Variants in GABRB1 observed in about 807,000 individuals in gnomAD.
GABRB1 encodes gamma-aminobutyric acid type A receptor subunit beta1.
GABRB1 carries 17 observed loss-of-function variants against 51.6 expected under a neutral mutation model. That is an observed-to-expected ratio of 0.33 (90% CI 0.23 to 0.49). The LOEUF (loss-of-function observed/expected upper bound fraction) is 0.49, where lower values mean the gene tolerates loss of function less well. Ranked by LOEUF, GABRB1 falls within the 20% of genes least tolerant of loss-of-function variation. GABRB1 has a pLI of 0.99. For missense variants in GABRB1, 410 were observed against 600.6 expected (o/e 0.68, Z 3.32); for synonymous variants, 247 against 218.9 (o/e 1.13, Z -1.14).
At chr4:47,019,621 C>CTCTCTCTCTCTCTCTT (rs1724852948) in intron 1 of GABRB1, among the ~76,000 whole-genome samples, 1 of 61,986 alleles carries the variant, frequency 1.6e-5, no homozygotes, top group Non-Finnish European at 3.1e-5. Context: ...TTCTTTCTTT[C>CTCTCTCTCTCTCTCTT]TCTCTCTTTC....
chr4:47,292,703 A>C (rs895852165), intron 4 of GABRB1, among the ~76,000 whole-genome samples: 1 of 152,186 alleles, frequency 6.6e-6, no homozygotes, highest in East Asian at 1.9e-4. Flanking sequence ...TTATTGACTG[A>C]TGGCACTGGA....
At chr4:47,261,430 C>T (rs921844999) in intron 4 of GABRB1, among the ~76,000 whole-genome samples, 1 of 152,122 alleles carries the variant, frequency 6.6e-6, no homozygotes, top group Non-Finnish European at 1.5e-5. Flanking sequence ...CATGAGTGAA[C>T]TCCCATTCAC....
At chr4:47,407,625 C>T (rs11734371) in intron 8 of GABRB1, among the ~76,000 whole-genome samples, 18,082 of 152,192 alleles carry the variant, frequency 0.12, 1,404 homozygotes, top group Non-Finnish European at 0.17. Flanking sequence ...GTATCTACCA[C>T]AAATTGTTTT....
At chr4:47,126,786 G>T (rs981888362) in intron 3 of GABRB1, among the ~76,000 whole-genome samples, 1 of 151,974 alleles carries the variant, frequency 6.6e-6, no homozygotes, top group Non-Finnish European at 1.5e-5. Context: ...TCTTCACAAG[G>T]TTGAACTAAT....
chr4:47,296,281 G>A (rs754170164), intron 4 of GABRB1, among the ~76,000 whole-genome samples: 2 of 152,098 alleles, frequency 1.3e-5, no homozygotes, highest in Non-Finnish European at 2.9e-5. Flanking sequence ...ATGTAAATGA[G>A]CTAAATGCTC....
At chr4:47,229,436 T>TTCTGTAATTA (rs1721061696) in intron 4 of GABRB1, among the ~76,000 whole-genome samples, 1 of 152,156 alleles carries the variant, frequency 6.6e-6, no homozygotes, top group Non-Finnish European at 1.5e-5. Context: ...TGTAGGATAA[T>TTCTGTAATTA]TCTGTAATTA....
At chr4:47,341,033 G>T (rs1725872681) in intron 5 of GABRB1, among the ~76,000 whole-genome samples, 1 of 152,162 alleles carries the variant, frequency 6.6e-6, no homozygotes, top group African/African-American at 2.4e-5. Context: ...AAACCATGTA[G>T]TCAGTAAATA....
chr4:47,292,485 C>T lies in GABRB1; in HGVS notation c.462-27642C>T, dbSNP rs1179117185. On this transcript the variant is annotated intron_variant, in intron 4 of 8. Transcript: ENST00000295454. Reference sequence around the variant, plus strand: ...TGTTACTTAATATCTTTAGGCAAGCCCCTTGAGGGCTCTAATAAATGGAAA... The same window carrying T: ...TGTTACTTAATATCTTTAGGCAAGCTCCTTGAGGGCTCTAATAAATGGAAA... Among the ~76,000 whole-genome samples the T allele has an allele frequency of 2.0e-5, 3 of 152,092 alleles. No homozygotes were observed. In the East Asian group the frequency reaches 5.8e-4, roughly 29 times the overall value.
At chr4:47,157,402 CT>C (rs1192996564) in intron 3 of GABRB1, among the ~76,000 whole-genome samples, 2 of 152,064 alleles carry the variant, frequency 1.3e-5, no homozygotes, top group Non-Finnish European at 2.9e-5. Flanking sequence ...TAGAGGCTTT[CT>C]TTTCTACCTA....
chr4:46,998,732 TAAAAAAA>T (rs1031492003), intron 1 of GABRB1, among the ~76,000 whole-genome samples: 1 of 66,432 alleles, frequency 1.5e-5, no homozygotes, highest in African/African-American at 5.8e-5. Flanking sequence ...AGACTCTGTC[TAAAAAAA>T]AAAAAAAAAA....
intron 3 of GABRB1, among the ~76,000 whole-genome samples, chr4:47,106,790 C>T (rs542067076): frequency 1.3e-5 from 2 of 152,152 alleles, no homozygotes; most frequent in Admixed American, 6.5e-5. Context: ...GACAAGCAGA[C>T]CTGTCCTACA....
intron 4 of GABRB1, among the ~76,000 whole-genome samples, chr4:47,179,198 G>A (rs566337532): frequency 4.6e-5 from 7 of 152,032 alleles, no homozygotes; most frequent in Non-Finnish European, 1.0e-4. Flanking sequence ...TCCCACTTAT[G>A]AGTGATAATA....
At chr4:47,404,815 G>GA (rs985731273) in intron 7 of GABRB1, among the ~76,000 whole-genome samples, 3 of 151,966 alleles carry the variant, frequency 2.0e-5, no homozygotes, top group East Asian at 1.9e-4. Context: ...CTACACTTAA[G>GA]AAAAAAACAG....
Position 47,209,346 on chromosome 4 carries a change from C to A in GABRB1, c.461+47877C>A, listed in dbSNP as rs182579889. On this transcript the variant is annotated intron_variant, in intron 4 of 8. Transcript: ENST00000295454. ...TCCTGGATACCTTAGAATCTCATAG[C>A]TTCAGCTATTTTCTTTTCACTAAAC... Among the ~76,000 whole-genome samples the A allele has an allele frequency of 6.0e-4, 92 of 152,180 alleles. 1 individual carries two copies. In the South Asian group the frequency reaches 7.0e-3, roughly 12 times the overall value.
chr4:47,365,826 C>T (rs752246555), intron 5 of GABRB1, among the ~76,000 whole-genome samples: 2 of 152,204 alleles, frequency 1.3e-5, no homozygotes, highest in African/African-American at 4.8e-5. Context: ...GCACAGCTAA[C>T]CTGCTCTCTC....
intron 3 of GABRB1, among the ~76,000 whole-genome samples, chr4:47,080,068 C>A (rs1197508710): frequency 1.3e-5 from 2 of 151,960 alleles, no homozygotes; most frequent in Non-Finnish European, 2.9e-5. Flanking sequence ...TTATTTCAAG[C>A]AATACAGAAT....
intron 5 of GABRB1, among the ~76,000 whole-genome samples, chr4:47,393,034 A>G (rs1021640889): frequency 1.3e-5 from 2 of 152,202 alleles, no homozygotes; most frequent in Non-Finnish European, 2.9e-5. Flanking sequence ...GAGTCAAGTC[A>G]TGTCAGAGGT....
chr4:47,353,175 C>A (rs763555856), intron 5 of GABRB1, among the ~76,000 whole-genome samples: 1 of 152,186 alleles, frequency 6.6e-6, no homozygotes, highest in Non-Finnish European at 1.5e-5. Context: ...TTCAAATTAT[C>A]TCCCACTGGA....
At chr4:47,228,800 C>A (rs1578017353) in intron 4 of GABRB1, among the ~76,000 whole-genome samples, 2 of 152,024 alleles carry the variant, frequency 1.3e-5, no homozygotes, top group African/African-American at 4.8e-5. Flanking sequence ...TAATTAGATT[C>A]CCTTGTGATG....
Sources: gnomAD v4.1 joint callset for allele counts (sites outside exome capture counted in the v4.1 genomes callset) on GRCh38, gnomAD v4.1.1 for gene constraint, MANE v1.5 for transcripts, NCBI Gene and HGNC (gene_info 2026-07-23, HGNC 2026-07-21) for gene names.